Variants in DNAH5 observed in about 807,000 individuals in gnomAD.
The protein encoded by DNAH5 is axonemal beta dynein heavy chain 5.
Under a neutral mutation model 518.2 loss-of-function variants are expected in DNAH5, and 372 were observed. The ratio of observed to expected loss-of-function variants is 0.72; its 90% CI spans 0.66 to 0.78. The LOEUF is 0.78. Ranked by LOEUF, DNAH5 falls within the 30% of genes least tolerant of loss-of-function variation. The pLI, the probability that DNAH5 is intolerant of heterozygous loss-of-function variation, is 0.00. For synonymous variants in DNAH5, 2,039 were observed against 2,025.9 expected (o/e 1.01, Z -0.17); for missense variants, 5,523 against 5,687.0 (o/e 0.97, Z 0.93).
intron 64 of DNAH5, 56 bp downstream of exon 64, chr5:13,752,078 T>C (rs942304504): frequency 4.4e-6 from 7 of 1,579,890 alleles, no homozygotes; most frequent in African/African-American, 4.0e-5. Flanking sequence ...CTGTGTCACA[T>C]TGACCTGGCC....
At chr5:13,729,588 A>T in intron 68 of DNAH5, 28 bp from the exon 69 acceptor site, 1 of 1,587,608 alleles carries the variant, frequency 6.3e-7, no homozygotes, top group Non-Finnish European at 8.6e-7. Flanking sequence ...AAATTATCAG[A>T]TTTCCCTTCC....
At chr5:13,847,974 A>G (rs1472312969) in intron 31 of DNAH5, among the ~76,000 whole-genome samples, 7 of 152,324 alleles carry the variant, frequency 4.6e-5, no homozygotes, top group African/African-American at 1.4e-4. Flanking sequence ...GGAAACTTTC[A>G]GAAACCCTTT....
At chr5:13,917,383 T>A (rs558340020) in intron 7 of DNAH5, 127 bp from the exon 8 acceptor site, 1 of 733,880 alleles carries the variant, frequency 1.4e-6, no homozygotes, top group African/African-American at 1.7e-5. Context: ...GAAAACTGAA[T>A]CCAGAGGGGC....
chr5:13,944,727 C>T (rs1779774201), upstream of DNAH5, among the ~76,000 whole-genome samples: 1 of 152,122 alleles, frequency 6.6e-6, no homozygotes, highest in South Asian at 2.1e-4. Flanking sequence ...TTGAACCATG[C>T]CTCTTAATCA....
intron 62 of DNAH5, 112 bp downstream of exon 62, chr5:13,754,091 A>G (rs1750649667): frequency 2.4e-6 from 3 of 1,261,460 alleles, no homozygotes; most frequent in African/African-American, 1.5e-5. Flanking sequence ...GGTTTGTTAC[A>G]TATGTATACA....
In DNAH5 at chr5:13,944,417, G is replaced by T. The variant is rs776523132; in HGVS notation, c.22C>A (p.Gln8Lys). 2.5e-6 allele frequency: 4 copies of T among 1,613,430 alleles called. No homozygotes were observed. The highest frequency in any genetic ancestry group is 1.3e-5 in the African/African-American group (1 of 74,910). Residue 8 changes from glutamine (Q) to lysine (K), a missense_variant, in exon 1 of 79, where the codon CAG (glutamine) becomes AAG (lysine). Coordinates refer to ENST00000265104, the MANE Select transcript of DNAH5 (RefSeq NM_001369.3). MFRIGRR[Q>K]LWKHSVTRVL... ...CGAGTGACGCTATGCTTCCAGAGCT[G>T]TCTCCTCCCAATCCTAAACATTGTA...
At chr5:13,941,268 G>A (rs538305108) in intron 1 of DNAH5, among the ~76,000 whole-genome samples, 1 of 152,324 alleles carries the variant, frequency 6.6e-6, no homozygotes, top group South Asian at 2.1e-4. Flanking sequence ...TGAGGTGGAA[G>A]GATTGGTTGA....
At chr5:13,941,163 T>C (rs2591535) in intron 1 of DNAH5, among the ~76,000 whole-genome samples, 130,837 of 152,174 alleles carry the variant, frequency 0.86, 56,651 homozygotes, top group Non-Finnish European at 0.91. Context: ...GATCAGTCTG[T>C]GCAGCATAGC....
In DNAH5 at chr5:13,900,281, A is replaced by C. The variant is rs2151961198; in HGVS notation, c.2184T>G (p.Gly728=). ...FRETECMAQM[G]LEVSPLATSL... ...AAGTTGCCAGTGGAGAGACTTCCAG[A>C]CCCATCTGGGCCATGCACTCTGTTT... The change falls in exon 15 of 79, where the codon GGT becomes GGG. Residue 728 remains glycine (G), a synonymous_variant. Coordinates refer to ENST00000265104, the MANE Select transcript of DNAH5 (RefSeq NM_001369.3). 6.2e-7 allele frequency: 1 copy of C among 1,614,126 alleles called. No individual in the cohort carries two copies. The highest frequency in any genetic ancestry group is 8.5e-7 in the Non-Finnish European group (1 of 1,180,000).
chr5:13,809,500 T>C (rs1192914941), intron 45 of DNAH5, among the ~76,000 whole-genome samples: 1 of 152,212 alleles, frequency 6.6e-6, no homozygotes, highest in Non-Finnish European at 1.5e-5. Context: ...GTATCTAAAA[T>C]CATTAGTCAC....
chr5:13,861,383 T>C (rs6554824), intron 29 of DNAH5, among the ~76,000 whole-genome samples: 59,903 of 151,992 alleles, frequency 0.39, 11,949 homozygotes, highest in South Asian at 0.47. Flanking sequence ...TTTGAAATAG[T>C]ATGAAGTACA....
chr5:13,975,190 G>T (rs954750900), intron 1 of DNAH5, among the ~76,000 whole-genome samples: 1 of 152,212 alleles, frequency 6.6e-6, no homozygotes, highest in African/African-American at 2.4e-5. Context: ...AATTATGGCA[G>T]AAGGAGAAAG....
At chr5:13,970,633 T>C (rs573376720) in intron 1 of DNAH5, among the ~76,000 whole-genome samples, 3 of 152,374 alleles carry the variant, frequency 2.0e-5, no homozygotes, top group African/African-American at 4.8e-5. Flanking sequence ...TTCTAGGTTA[T>C]AGGTTTCTGC....
intron 18 of DNAH5, among the ~76,000 whole-genome samples, chr5:13,885,499 C>T (rs1336057434): frequency 6.6e-6 from 1 of 152,134 alleles, no homozygotes; most frequent in East Asian, 1.9e-4. Flanking sequence ...GCTGGAAAAG[C>T]TACAGTGGCC....
intron 45 of DNAH5, 135 bp from the exon 46 acceptor site, chr5:13,809,321 A>T (rs1760217402): frequency 1.9e-6 from 2 of 1,080,670 alleles, no homozygotes; most frequent in Non-Finnish European, 2.8e-6. Flanking sequence ...AAAATTAGAG[A>T]TCTAAGTACA....
intron 31 of DNAH5, among the ~76,000 whole-genome samples, chr5:13,846,628 C>G (rs990863429): frequency 6.6e-6 from 1 of 152,014 alleles, no homozygotes; most frequent in African/African-American, 2.4e-5. Flanking sequence ...GAAGGAGATA[C>G]AAAGAGAGGG....
chr5:13,870,353 C>A (rs1257132203), intron 24 of DNAH5, among the ~76,000 whole-genome samples: 1 of 152,096 alleles, frequency 6.6e-6, no homozygotes, highest in South Asian at 2.1e-4. Flanking sequence ...GAGGTTATAG[C>A]CCATTTCCTA....
At chr5:13,842,490 A>AAAAG (rs772456113) in intron 32 of DNAH5, among the ~76,000 whole-genome samples, 2 of 107,854 alleles carry the variant, frequency 1.9e-5, no homozygotes, top group Non-Finnish European at 1.9e-5. Context: ...AAAGAGAAAG[A>AAAAG]AAAGAAAGAA....
chr5:13,948,585 T>G (rs1780114439), upstream of DNAH5, among the ~76,000 whole-genome samples: 1 of 152,154 alleles, frequency 6.6e-6, no homozygotes, highest in African/African-American at 2.4e-5. Context: ...AAAAATTATC[T>G]TGGAGACTGG....
Sources: gnomAD v4.1 joint callset for allele counts (sites outside exome capture counted in the v4.1 genomes callset) on GRCh38, gnomAD v4.1.1 for gene constraint, MANE v1.5 for transcripts, NCBI Gene and HGNC (gene_info 2026-07-23, HGNC 2026-07-21) for gene names.